The following ZMAT4 variants were observed in gnomAD, a reference collection of about 807,000 sequenced individuals.
ZMAT4 encodes zinc finger matrin-type 4, also known as zinc finger matrin-type protein 4.
A neutral mutation model predicts 28.7 loss-of-function variants in ZMAT4; 17 were observed. The observed-to-expected ratio is 0.59, with a 90% CI of 0.41 to 0.89. ZMAT4 has a LOEUF of 0.89. ZMAT4 is among the 40% of genes least tolerant of loss of function. The pLI is 0.00. For synonymous variants in ZMAT4, 117 were observed against 109.2 expected (o/e 1.07, Z -0.44); for missense variants, 240 against 283.8 (o/e 0.85, Z 1.11).
intron 1 of ZMAT4, among the ~76,000 whole-genome samples, chr8:40,895,160 AG>A (rs1818826802): frequency 6.6e-6 from 1 of 152,180 alleles, no homozygotes; most frequent in Non-Finnish European, 1.5e-5. Flanking sequence ...GTTAAAAGAG[AG>A]AGAGATCCAG....
At chr8:40,813,220 G>T (rs1815399351) in intron 2 of ZMAT4, among the ~76,000 whole-genome samples, 1 of 151,956 alleles carries the variant, frequency 6.6e-6, no homozygotes, top group Non-Finnish European at 1.5e-5. Flanking sequence ...ACACTTTAAA[G>T]AACATATATA....
In ZMAT4 at chr8:40,530,902, CTG is replaced by C. The variant is rs1802671202; in HGVS notation, c.*1319_*1320del. ...GTAAACAGGCTCCTTCATAACAACA[CTG>C]TGCATTTCTGTGTCATTTTGTTTAT... On this transcript the variant is annotated 3_prime_UTR_variant, in exon 7 of 7. Coordinates refer to ENST00000297737, the MANE Select transcript of ZMAT4 (RefSeq NM_024645.3). The C allele has an allele frequency of 3.3e-5, 5 of 152,692 alleles. No individual in the cohort carries two copies. In the South Asian group the frequency reaches 1.0e-3, roughly 32 times the overall value. 9.5% of individuals were successfully genotyped at this position (152,692 alleles called of 1,614,324 possible).
intron 1 of ZMAT4, among the ~76,000 whole-genome samples, chr8:40,847,768 C>T (rs1816960901): frequency 6.6e-6 from 1 of 152,142 alleles, no homozygotes; most frequent in Admixed American, 6.5e-5. Context: ...TCCCAGGAGT[C>T]TTCCCTGGCA....
chr8:40,744,841 G>C (rs1450234010), intron 3 of ZMAT4, among the ~76,000 whole-genome samples: 1 of 152,222 alleles, frequency 6.6e-6, no homozygotes, highest in Non-Finnish European at 1.5e-5. Context: ...GCAAGCTCTA[G>C]TTCGGCAGCC....
intron 1 of ZMAT4, among the ~76,000 whole-genome samples, chr8:40,872,093 T>TACA (rs1817878148): frequency 6.6e-6 from 1 of 152,098 alleles, no homozygotes; most frequent in Admixed American, 6.5e-5. Flanking sequence ...TGCTTGGAAG[T>TACA]GGGGAGCACC....
At chr8:40,786,655 C>T (rs1165341040) in intron 2 of ZMAT4, 3 of 1,268,086 alleles carry the variant, frequency 2.4e-6, no homozygotes, top group Admixed American at 2.4e-5. Context: ...ATTCATTAAC[C>T]ATCCTCATTC....
intron 6 of ZMAT4, among the ~76,000 whole-genome samples, chr8:40,563,659 A>G (rs191542518): frequency 1.5e-3 from 227 of 152,324 alleles, no homozygotes; most frequent in African/African-American, 5.2e-3. Flanking sequence ...TTGAATTACA[A>G]TGATATCTTA....
At chr8:40,755,003 C>T (rs191278461) in intron 3 of ZMAT4, among the ~76,000 whole-genome samples, 4 of 151,858 alleles carry the variant, frequency 2.6e-5, no homozygotes, top group Admixed American at 6.6e-5. Flanking sequence ...GAGAGTGACC[C>T]TATCTTGAAA....
At chr8:40,632,085 C>T (rs1421606577) in intron 5 of ZMAT4, among the ~76,000 whole-genome samples, 1 of 152,010 alleles carries the variant, frequency 6.6e-6, no homozygotes, top group African/African-American at 2.4e-5. Flanking sequence ...GAAACAGAGC[C>T]AAAAATGTTT....
intron 2 of ZMAT4, among the ~76,000 whole-genome samples, chr8:40,799,893 T>C (rs1386606299): frequency 6.6e-6 from 1 of 152,206 alleles, no homozygotes; most frequent in Non-Finnish European, 1.5e-5. Context: ...AAGTGAATAT[T>C]ATGAACTGTA....
intron 3 of ZMAT4, among the ~76,000 whole-genome samples, chr8:40,747,746 A>G (rs910270205): frequency 6.6e-6 from 1 of 152,218 alleles, no homozygotes; most frequent in African/African-American, 2.4e-5. Flanking sequence ...AGTAAGGGAT[A>G]TAATAGATAA....
chr8:40,894,348 G>A (rs1204619674), intron 1 of ZMAT4, among the ~76,000 whole-genome samples: 2 of 152,168 alleles, frequency 1.3e-5, no homozygotes, highest in Non-Finnish European at 2.9e-5. Context: ...CACAATTCCT[G>A]ATGTCCCCTG....
At chr8:40,783,067 C>T (rs1004131104) in intron 2 of ZMAT4, among the ~76,000 whole-genome samples, 3 of 152,190 alleles carry the variant, frequency 2.0e-5, no homozygotes, top group Non-Finnish European at 4.4e-5. Flanking sequence ...GGTGTACGCT[C>T]ATGAGAATTG....
intron 3 of ZMAT4, among the ~76,000 whole-genome samples, chr8:40,707,820 T>C (rs972357735): frequency 6.6e-6 from 1 of 152,194 alleles, no homozygotes; most frequent in Non-Finnish European, 1.5e-5. Context: ...ATTATATGTC[T>C]TGAGGGTAGA....
chr8:40,825,539 T>C lies in ZMAT4; in HGVS notation c.102+36A>G, dbSNP rs1399453140. On this transcript the variant is annotated intron_variant, in intron 2 of 6. Coordinates refer to ENST00000297737, the MANE Select transcript of ZMAT4 (RefSeq NM_024645.3). ...AACAATGACCCGGGCTGCTCCCTCC[T>C]ACATTTGCAAACAGAGTGGGAAACG... 3 of 1,533,602 alleles carry C rather than the reference T, an allele frequency of 2.0e-6. No homozygotes were observed. In the Admixed American group the frequency reaches 5.9e-5, roughly 30 times the overall value. The allele number at this position is 1,533,602 out of a possible 1,614,324, so 95.0% of individuals were successfully genotyped here. A position where few individuals can be genotyped will look rare whatever the true frequency, so the allele number is the denominator to read the frequency against.
At chr8:40,653,746 C>G (rs910984134) in intron 5 of ZMAT4, among the ~76,000 whole-genome samples, 1 of 152,062 alleles carries the variant, frequency 6.6e-6, no homozygotes, top group African/African-American at 2.4e-5. Context: ...AGACTTATAA[C>G]AAGTAGAGAC....
At position 40,584,726 on chromosome 8, in the gene ZMAT4, C is replaced by T. The variant is rs190884205; in HGVS notation, c.578-3465G>A. The stretch of plus-strand genomic sequence containing the variant: ...TCAGCTCACTGCAACCTCCGCCTCC[C>T]GAGTTCAAGCAATTCTCCTGCCTCA... On this transcript the variant is annotated intron_variant, in intron 5 of 6. Coordinates refer to ENST00000297737, the MANE Select transcript of ZMAT4 (RefSeq NM_024645.3). Among the ~76,000 whole-genome samples the T allele has an allele frequency of 3.2e-4, 49 of 152,150 alleles. 1 individual carries two copies. The highest frequency in any genetic ancestry group is 6.3e-4 in the Non-Finnish European group (43 of 67,992).
intron 5 of ZMAT4, among the ~76,000 whole-genome samples, chr8:40,658,269 C>A (rs898025986): frequency 6.6e-6 from 1 of 152,164 alleles, no homozygotes; most frequent in Non-Finnish European, 1.5e-5. Flanking sequence ...TTCTCTTGAG[C>A]ATGAGTCACA....
At chr8:40,886,689 AT>A (rs1208479640) in intron 1 of ZMAT4, among the ~76,000 whole-genome samples, 1 of 152,134 alleles carries the variant, frequency 6.6e-6, no homozygotes, top group Non-Finnish European at 1.5e-5. Context: ...CTGCTCCCGA[AT>A]TTCTGAACAT....
Sources: gnomAD v4.1 joint callset for allele counts (sites outside exome capture counted in the v4.1 genomes callset) on GRCh38, gnomAD v4.1.1 for gene constraint, MANE v1.5 for transcripts, NCBI Gene and HGNC (gene_info 2026-07-23, HGNC 2026-07-21) for gene names.